Variants in COL4A5 observed in about 807,000 individuals in gnomAD.
The protein encoded by COL4A5 is collagen alpha-5(IV) chain.
COL4A5 carries 26 observed loss-of-function variants against 130.2 expected under a neutral mutation model. The ratio of observed to expected loss-of-function variants is 0.20; its 90% CI spans 0.15 to 0.28. The LOEUF (loss-of-function observed/expected upper bound fraction) is 0.28, where lower values mean the gene tolerates loss of function less well. Ranked by LOEUF, COL4A5 falls within the 10% of genes least tolerant of loss-of-function variation. COL4A5 has a pLI of 1.00. For synonymous variants in COL4A5, 496 were observed against 439.6 expected (o/e 1.13, Z -1.60); for missense variants, 1,131 against 1,344.3 (o/e 0.84, Z 2.48).
chrX:108,440,707 A>G (rs2147450529), intron 1 of COL4A5, among the ~76,000 whole-genome samples: 1 of 111,702 alleles, frequency 9.0e-6, no homozygotes, highest in African/African-American at 3.3e-5. Flanking sequence ...TCCTTAAGCA[A>G]CAGGAACCTA....
At chrX:108,622,944 A>G in intron 33 of COL4A5, 119 bp downstream of exon 33, 2 of 629,175 alleles carry the variant, frequency 3.2e-6, no homozygotes, top group South Asian at 6.3e-5. Flanking sequence ...TAAATGCATC[A>G]AATTTTGGTA....
At chrX:108,563,675 G>A (rs775137857) in intron 3 of COL4A5, among the ~76,000 whole-genome samples, 125 of 111,429 alleles carry the variant, frequency 1.1e-3, no homozygotes, top group African/African-American at 3.9e-3. Context: ...TCCTTCTCAG[G>A]AAATAAAGGC....
chrX:108,450,731 A>G (rs1569471228), intron 1 of COL4A5, among the ~76,000 whole-genome samples: 1 of 111,769 alleles, frequency 8.9e-6, no homozygotes, highest in Non-Finnish European at 1.9e-5. Flanking sequence ...TTTCCAAATG[A>G]CTAATACACA....
chrX:108,497,070 T>G (rs2065041680), intron 1 of COL4A5, among the ~76,000 whole-genome samples: 1 of 111,890 alleles, frequency 8.9e-6, no homozygotes, highest in African/African-American at 3.2e-5. Flanking sequence ...ACTCTCTGTT[T>G]CTATAGATTT....
intron 36 of COL4A5, among the ~76,000 whole-genome samples, chrX:108,630,781 G>A (rs947068748): frequency 1.8e-5 from 2 of 111,754 alleles, no homozygotes; most frequent in African/African-American, 6.5e-5. Flanking sequence ...GGGTTTTTAT[G>A]GTTTTATGTT....
At chrX:108,642,848 CAAA>C (rs35804797) in intron 36 of COL4A5, among the ~76,000 whole-genome samples, 5,513 of 34,486 alleles carry the variant, frequency 0.16, 573 homozygotes, top group African/African-American at 0.36. Flanking sequence ...TCCCCCTCTC[CAAA>C]AAAAAAAAAA....
chrX:108,549,731 A>T (rs1339587586), intron 2 of COL4A5, among the ~76,000 whole-genome samples: 1 of 111,522 alleles, frequency 9.0e-6, no homozygotes, highest in African/African-American at 3.2e-5. Flanking sequence ...TAAAGACAAA[A>T]GTAACAATAT....
At chrX:108,478,820 G>A (rs978418668) in intron 1 of COL4A5, among the ~76,000 whole-genome samples, 3 of 112,349 alleles carry the variant, frequency 2.7e-5, no homozygotes, top group African/African-American at 9.7e-5. Context: ...CATATCTGGA[G>A]TAAGTGTCTG....
intron 36 of COL4A5, 108 bp downstream of exon 36, chrX:108,626,457 A>G (rs757603338): frequency 3.0e-4 from 352 of 1,163,111 alleles, no homozygotes; most frequent in Non-Finnish European, 3.9e-4. Context: ...ATGACATAGT[A>G]TATTCTGGAT....
chrX:108,601,943 A>G lies in COL4A5; in HGVS notation c.2100A>G (p.Glu700=), dbSNP rs1603292056. ...GLPGIPGSKG[E]PGIPGIGLPG... ...CAGGGATACCTGGTAGCAAAGGAGA[A>G]CCAGGTATCCCTGGAATTGGGCTTC... Residue 700 remains glutamate (E), a synonymous_variant, in exon 27 of 53, where the codon GAA becomes GAG. Transcript: ENST00000328300. 1.7e-6 allele frequency: 2 copies of G among 1,168,980 alleles called. No individual in the cohort carries two copies. The highest frequency in any genetic ancestry group is 2.3e-6 in the Non-Finnish European group (2 of 869,489).
chrX:108,652,775 G>A (rs2067757953), intron 36 of COL4A5, among the ~76,000 whole-genome samples: 1 of 112,288 alleles, frequency 8.9e-6, no homozygotes. Flanking sequence ...ACAACACAGT[G>A]ACCTTGAAAG....
intron 42 of COL4A5, 84 bp downstream of exon 42, chrX:108,670,320 T>C (rs998574544): frequency 4.2e-6 from 5 of 1,189,089 alleles, no homozygotes; most frequent in African/African-American, 1.8e-5. Flanking sequence ...TGTTTGAATG[T>C]ATTTTAAGAG....
chrX:108,665,611 G>T (rs758531452), intron 38 of COL4A5, 24 bp downstream of exon 38: 1 of 1,095,349 alleles, frequency 9.1e-7, no homozygotes, highest in East Asian at 3.0e-5. Context: ...ATAACAGTTT[G>T]CTGTTTTATA....
At chrX:108,481,444 T>C (rs1216978181) in intron 1 of COL4A5, among the ~76,000 whole-genome samples, 1 of 111,259 alleles carries the variant, frequency 9.0e-6, no homozygotes, top group African/African-American at 3.3e-5. Context: ...GATGGAGGGG[T>C]TGCGATTCTC....
chrX:108,471,767 G>T (rs1232925448), intron 1 of COL4A5, among the ~76,000 whole-genome samples: 1 of 111,366 alleles, frequency 9.0e-6, no homozygotes, highest in Non-Finnish European at 1.9e-5. Context: ...GAACTTGGAT[G>T]GGGGTTAAAG....
intron 1 of COL4A5, among the ~76,000 whole-genome samples, chrX:108,539,150 G>A (rs752655451): frequency 1.8e-5 from 2 of 110,415 alleles, no homozygotes; most frequent in African/African-American, 6.8e-5. Flanking sequence ...CTAATACAGA[G>A]TGAGAGGTAA....
chrX:108,450,029 A>C lies in COL4A5; in HGVS notation c.81+9823A>C, dbSNP rs755480956. 4.1e-4 allele frequency among the ~76,000 whole-genome samples: 46 copies of C among 111,492 alleles called. 1 individual carries two copies. Among genetic ancestry groups the C allele is most frequent in the Non-Finnish European group, 7.5e-5 (4 of 53,118 alleles). ...TTTTCTTAGTAGTTGTATTCGTCAT[A>C]CTCTCAGGGGGGAGAAAGCCAGTTT... On this transcript the variant is annotated intron_variant, in intron 1 of 52. Coordinates refer to ENST00000328300, the MANE Select transcript of COL4A5 (RefSeq NM_033380.3).
At chrX:108,496,454 T>C (rs927962202) in intron 1 of COL4A5, among the ~76,000 whole-genome samples, 1 of 111,793 alleles carries the variant, frequency 8.9e-6, no homozygotes, top group Admixed American at 9.5e-5. Flanking sequence ...TTTTTTAAAT[T>C]TATAATTTTT....
chrX:108,646,681 C>G (rs1449336494), intron 36 of COL4A5, among the ~76,000 whole-genome samples: 1 of 111,667 alleles, frequency 9.0e-6, no homozygotes, highest in African/African-American at 3.3e-5. Context: ...ACAGTATTGC[C>G]TAGGTTTTCT....
Sources: allele counts gnomAD v4.1 joint callset (sites outside exome capture counted in the v4.1 genomes callset), GRCh38; gene constraint gnomAD v4.1.1; transcripts MANE v1.5; gene names NCBI Gene and HGNC (gene_info 2026-07-23, HGNC 2026-07-21).